Variants in PRPF6 observed in about 807,000 individuals in gnomAD.
The protein encoded by PRPF6 is pre-mRNA-processing factor 6.
A neutral mutation model predicts 118.3 loss-of-function variants in PRPF6; 42 were observed. The observed-to-expected ratio is 0.35, with a 90% CI of 0.28 to 0.46. The LOEUF is 0.46. Ranked by LOEUF, PRPF6 falls within the 20% of genes least tolerant of loss-of-function variation. The pLI is 1.00. For missense variants in PRPF6, 662 were observed against 1,255.7 expected (o/e 0.53, Z 7.15); for synonymous variants, 481 against 485.1 (o/e 0.99, Z 0.11).
chr20:64,020,976 A>G (rs2059259934), intron 12 of PRPF6, among the ~76,000 whole-genome samples: 1 of 152,182 alleles, frequency 6.6e-6, no homozygotes, highest in Non-Finnish European at 1.5e-5. Context: ...TAGTAGAGAC[A>G]GGGTTTTACC....
At chr20:64,014,886 A>G (rs1478462687) in intron 11 of PRPF6, among the ~76,000 whole-genome samples, 1 of 152,186 alleles carries the variant, frequency 6.6e-6, no homozygotes, top group African/African-American at 2.4e-5. Context: ...TATTGCTTCT[A>G]CTGAGCGTGG....
chr20:63,990,203 C>T (rs1331115698), intron 3 of PRPF6, among the ~76,000 whole-genome samples: 2 of 152,198 alleles, frequency 1.3e-5, no homozygotes, highest in East Asian at 3.9e-4. Flanking sequence ...AACTTGCTGC[C>T]TCGAGGACAG....
chr20:64,028,778 G>A lies in PRPF6; in HGVS notation c.2431+209G>A, dbSNP rs1302927111. Among the ~76,000 whole-genome samples the A allele has an allele frequency of 4.6e-5, 7 of 152,306 alleles. No homozygotes were observed. The East Asian group carries it at 9.6e-4, about 21-fold the overall frequency. ...TCAAAAGTTTCAGCTATACTCGGCC[G>A]TTAAGACAACTTAATGAAATTCTTG... On this transcript the variant is annotated intron_variant, in intron 18 of 20. Transcript: ENST00000266079. This position sits in a 1 kb window ranked among gnomAD's most constrained non-coding sequence, Gnocchi z 6.5.
At chr20:63,988,552 C>T (rs1204904529) in intron 3 of PRPF6, among the ~76,000 whole-genome samples, 8 of 151,688 alleles carry the variant, frequency 5.3e-5, no homozygotes, top group Non-Finnish European at 1.0e-4. Context: ...CAATGCAATC[C>T]GTATCAAAAT....
At chr20:64,000,470 AAAAC>A (rs1348934508) in intron 8 of PRPF6, among the ~76,000 whole-genome samples, 1 of 151,508 alleles carries the variant, frequency 6.6e-6, no homozygotes, top group Non-Finnish European at 1.5e-5. Flanking sequence ...AAAAAAAAAA[AAAAC>A]AACAAAAAAG....
intron 12 of PRPF6, 114 bp from the exon 13 acceptor site, chr20:64,022,643 A>G: frequency 6.7e-7 from 1 of 1,494,700 alleles, no homozygotes; most frequent in Non-Finnish European, 9.3e-7. Flanking sequence ...ACACTGTGGT[A>G]CACCTTCTAG....
rs1402665321 is a variant in PRPF6 at position 64,011,269 on chromosome 20, T to A, written c.1306-16T>A. 6.2e-7 allele frequency: 1 copy of A among 1,613,416 alleles called. No individual in the cohort carries two copies. Among genetic ancestry groups the A allele is most frequent in the Admixed American group, 1.7e-5 (1 of 59,984 alleles). Reference sequence around the variant, plus strand: ...GCACAGTGTCCTCTCCTTTTTCTCGTGTCCTCTCCGCGTAGCTCTGGCTTG... The same window carrying A: ...GCACAGTGTCCTCTCCTTTTTCTCGAGTCCTCTCCGCGTAGCTCTGGCTTG... On this transcript the variant is annotated splice_polypyrimidine_tract_variant and intron_variant, in intron 10 of 20. Transcript: ENST00000266079. This position sits in a 1 kb window ranked among gnomAD's most constrained non-coding sequence, Gnocchi z 6.7.
chr20:63,999,799 T>G (rs2059158515), intron 8 of PRPF6, 40 bp downstream of exon 8: 1 of 1,610,516 alleles, frequency 6.2e-7, no homozygotes, highest in Admixed American at 1.7e-5. Flanking sequence ...GGAGGCTGCG[T>G]GATTGTGGCC....
chr20:64,026,173 A>G lies in PRPF6; in HGVS notation c.2028+115A>G, dbSNP rs1256725195. 1 of 1,524,238 alleles carries G rather than the reference A, an allele frequency of 6.6e-7. No individual in the cohort carries two copies. Among genetic ancestry groups the G allele is most frequent in the Non-Finnish European group, 8.9e-7 (1 of 1,128,916 alleles). 94.4% of individuals were successfully genotyped at this position (1,524,238 alleles called of 1,614,324 possible). Reference sequence around the variant, plus strand: ...GATGACGGCAGGCAAACGAGACCACAGCACACTCATCTTTGTGATGTGACT... The same window carrying G: ...GATGACGGCAGGCAAACGAGACCACGGCACACTCATCTTTGTGATGTGACT... On this transcript the variant is annotated intron_variant, in intron 15 of 20. Transcript: ENST00000266079. The surrounding 1 kb of genome is among the most constrained non-coding windows in gnomAD (Gnocchi z 4.4).
intron 9 of PRPF6, among the ~76,000 whole-genome samples, chr20:64,009,712 ACT>A (rs2059207094): frequency 6.6e-6 from 1 of 152,190 alleles, no homozygotes; most frequent in East Asian, 1.9e-4. Flanking sequence ...ATAGAATGAG[ACT>A]CTGTCTCAAA....
rs112436862 is a variant in PRPF6 at position 63,995,108 on chromosome 20, A to G, written c.615+16A>G. 2.5e-6 allele frequency: 4 copies of G among 1,614,158 alleles called. No individual in the cohort carries two copies. Among genetic ancestry groups the G allele is most frequent in the African/African-American group, 1.3e-5 (1 of 75,042 alleles). On this transcript the variant is annotated intron_variant, in intron 5 of 20. Coordinates refer to ENST00000266079, the MANE Select transcript of PRPF6 (RefSeq NM_012469.4). ...CCGACAAACTGTGAGCTTCCAAAAA[A>G]GGGCACATGTGGCCCATTTAGTCCT...
chr20:64,011,573 G>T lies in PRPF6; in HGVS notation c.1524+70G>T. The stretch of plus-strand genomic sequence containing the variant: ...ATGCAGCACGTGAGAGTCCCACGCA[G>T]GACTGGGGGTTGCTGGATGGTACTG... On this transcript the variant is annotated intron_variant, in intron 11 of 20. Transcript: ENST00000266079. The surrounding 1 kb of genome is among the most constrained non-coding windows in gnomAD (Gnocchi z 6.7). 6.6e-7 allele frequency: 1 copy of T among 1,506,694 alleles called. No individual in the cohort carries two copies. Among genetic ancestry groups the T allele is most frequent in the African/African-American group, 1.4e-5 (1 of 72,430 alleles). 93.3% of individuals were successfully genotyped at this position (1,506,694 alleles called of 1,614,324 possible).
Position 64,028,700 on chromosome 20 carries a change from T to C in PRPF6, c.2431+131T>C. On this transcript the variant is annotated intron_variant, in intron 18 of 20. Transcript: ENST00000266079. This position sits in a 1 kb window ranked among gnomAD's most constrained non-coding sequence, Gnocchi z 6.5. ...TGGCACTTCCTGAGGGAGTGGGGGC[T>C]CAGGCTTCAGACGGACTTTATTAAA... 1 of 922,234 alleles carries C rather than the reference T, an allele frequency of 1.1e-6. No homozygotes were observed. The highest frequency in any genetic ancestry group is 2.2e-5 in the Admixed American group (1 of 46,060). The allele number at this position is 922,234 out of a possible 1,614,324, so 57.1% of individuals were successfully genotyped here. A position where few individuals can be genotyped will look rare whatever the true frequency, so the allele number is the denominator to read the frequency against.
chr20:63,990,911 C>T (rs988080238), intron 3 of PRPF6, among the ~76,000 whole-genome samples: 1 of 151,744 alleles, frequency 6.6e-6, no homozygotes, highest in African/African-American at 2.4e-5. Flanking sequence ...GCCTTGGCCT[C>T]CCAAGGTGCT....
In PRPF6 at chr20:64,027,510, T is replaced by G. The variant is rs2059296184; in HGVS notation, c.2206-93T>G. 1 of 1,566,274 alleles carries G rather than the reference T, an allele frequency of 6.4e-7. No individual in the cohort carries two copies. Among genetic ancestry groups the G allele is most frequent in the Non-Finnish European group, 8.8e-7 (1 of 1,137,470 alleles). ...CATGGACATGGCAGCCCTGAGGGAC[T>G]CGGTCACCCACTGCAGATGAGAAGC... On this transcript the variant is annotated intron_variant, in intron 16 of 20. Transcript: ENST00000266079. This position sits in a 1 kb window ranked among gnomAD's most constrained non-coding sequence, Gnocchi z 6.5.
intron 1 of PRPF6, among the ~76,000 whole-genome samples, chr20:63,981,745 G>A (rs1008629229): frequency 6.7e-6 from 1 of 149,768 alleles, no homozygotes; most frequent in Non-Finnish European, 1.5e-5. Flanking sequence ...GTGAGCAGTC[G>A]TTATTATCCT....
intron 9 of PRPF6, among the ~76,000 whole-genome samples, chr20:64,007,119 G>T (rs1220568954): frequency 6.6e-6 from 1 of 152,214 alleles, no homozygotes; most frequent in Non-Finnish European, 1.5e-5. Context: ...TTAGGCAGCT[G>T]TGCTGCACCT....
intron 12 of PRPF6, among the ~76,000 whole-genome samples, 184 bp downstream of exon 12, chr20:64,017,029 A>G (rs991276539): frequency 6.0e-5 from 9 of 149,724 alleles, no homozygotes; most frequent in African/African-American, 2.2e-4. Context: ...TACAACCTCC[A>G]CCTCCTGGGT....
chr20:63,981,650 C>CG (rs1267654211), intron 1 of PRPF6, among the ~76,000 whole-genome samples: 1 of 145,278 alleles, frequency 6.9e-6, no homozygotes, highest in African/African-American at 2.5e-5. Context: ...CACTCCCCCC[C>CG]CCCGCCCGCC....
Sources: gnomAD v4.1 joint callset for allele counts (sites outside exome capture counted in the v4.1 genomes callset) on GRCh38, gnomAD v4.1.1 for gene constraint, Gnocchi (gnomAD v3.1) non-coding constraint, MANE v1.5 for transcripts, NCBI Gene and HGNC (gene_info 2026-07-23, HGNC 2026-07-21) for gene names.